Variants in MTUS2 observed in about 807,000 individuals in gnomAD.
The protein encoded by MTUS2 is microtubule-associated tumor suppressor candidate 2.
MTUS2 carries 40 observed loss-of-function variants against 114.1 expected under a neutral mutation model. The observed-to-expected ratio is 0.35, with a 90% CI of 0.27 to 0.46. The LOEUF (loss-of-function observed/expected upper bound fraction) is 0.46, where lower values mean the gene tolerates loss of function less well. Ranked by LOEUF, MTUS2 falls within the 20% of genes least tolerant of loss-of-function variation. The pLI, the probability that MTUS2 is intolerant of heterozygous loss-of-function variation, is 1.00. For synonymous variants in MTUS2, 688 were observed against 672.0 expected (o/e 1.02, Z -0.37); for missense variants, 1,679 against 1,705.4 (o/e 0.98, Z 0.27).
intron 5 of MTUS2, among the ~76,000 whole-genome samples, chr13:29,268,114 A>G (rs965560409): frequency 6.6e-6 from 1 of 152,124 alleles, no homozygotes; most frequent in Non-Finnish European, 1.5e-5. Context: ...CGTCATCTAC[A>G]TTAGGTATTT....
At chr13:29,015,809 A>C (rs938862585) in intron 2 of MTUS2, among the ~76,000 whole-genome samples, 2 of 152,184 alleles carry the variant, frequency 1.3e-5, no homozygotes, top group African/African-American at 4.8e-5. Context: ...CAAAGTGAAA[A>C]ATTGGGGTTA....
rs7330883 is a variant in MTUS2 at position 29,321,434 on chromosome 13, A to G, written c.2807-3179A>G. On this transcript the variant is annotated intron_variant, in intron 6 of 15. Coordinates refer to ENST00000612955, the MANE Select transcript of MTUS2 (RefSeq NM_001033602.4). ...GAGTCTAGATTGTAAAAAAAATGGC[A>G]AGAAGAACAGAAGGTCTTGATTCAT... Among the ~76,000 whole-genome samples the G allele has an allele frequency of 5.1e-3, 771 of 152,320 alleles. 7 individuals carry two copies. The highest frequency in any genetic ancestry group is 0.017 in the African/African-American group (723 of 41,572).
At chr13:28,967,389 A>G (rs1009117824) in intron 2 of MTUS2, among the ~76,000 whole-genome samples, 11 of 152,110 alleles carry the variant, frequency 7.2e-5, no homozygotes, top group African/African-American at 2.7e-4. Context: ...AATTTACTGC[A>G]TATTGGACTT....
At chr13:29,130,841 G>T (rs1200852452) in intron 5 of MTUS2, among the ~76,000 whole-genome samples, 1 of 152,112 alleles carries the variant, frequency 6.6e-6, no homozygotes, top group Non-Finnish European at 1.5e-5. Flanking sequence ...GGCCAGGATG[G>T]TCTCAATCTT....
intron 9 of MTUS2, among the ~76,000 whole-genome samples, chr13:29,448,915 G>A (rs4644721): frequency 0.29 from 43,586 of 151,522 alleles, 7,594 homozygotes; most frequent in Admixed American, 0.42. Flanking sequence ...CACCACGCCC[G>A]GCTAGTTTTT....
intron 5 of MTUS2, among the ~76,000 whole-genome samples, chr13:29,143,920 G>C (rs910500099): frequency 1.3e-5 from 2 of 152,234 alleles, no homozygotes; most frequent in Non-Finnish European, 2.9e-5. Flanking sequence ...GAAAAGCAAT[G>C]TGTCATGGTG....
chr13:29,369,351 A>G (rs1488809477), intron 8 of MTUS2, among the ~76,000 whole-genome samples: 1 of 152,164 alleles, frequency 6.6e-6, no homozygotes, highest in Admixed American at 6.5e-5. Flanking sequence ...GTGCCCGGAG[A>G]AAAGAACTCA....
chr13:28,975,833 A>G (rs1593348902), intron 2 of MTUS2, among the ~76,000 whole-genome samples: 1 of 152,292 alleles, frequency 6.6e-6, no homozygotes, highest in East Asian at 1.9e-4. Flanking sequence ...ATTTCAGTGA[A>G]CATTTATGAC....
chr13:29,331,910 G>A (rs377028254), intron 7 of MTUS2, among the ~76,000 whole-genome samples: 17 of 152,268 alleles, frequency 1.1e-4, no homozygotes, highest in African/African-American at 3.4e-4. Context: ...GGATAAAGCC[G>A]AGTTGATCAT....
intron 8 of MTUS2, among the ~76,000 whole-genome samples, chr13:29,379,090 T>C (rs984222924): frequency 6.6e-6 from 1 of 152,226 alleles, no homozygotes; most frequent in Non-Finnish European, 1.5e-5. Context: ...TCCACCATCA[T>C]TGTAAGTTTC....
chr13:28,985,865 A>G (rs1002016444), intron 2 of MTUS2, among the ~76,000 whole-genome samples: 5 of 152,202 alleles, frequency 3.3e-5, no homozygotes, highest in African/African-American at 4.8e-5. Context: ...AAGTCTGCCT[A>G]CAGACAGCCT....
chr13:29,076,462 T>C (rs1889196785), intron 4 of MTUS2, among the ~76,000 whole-genome samples: 2 of 152,208 alleles, frequency 1.3e-5, no homozygotes, highest in East Asian at 1.9e-4. Context: ...GATCCAGTCT[T>C]GGAGCCTCTC....
In MTUS2 at chr13:29,420,381, G is replaced by A. The variant is rs576808176; in HGVS notation, c.3118-19602G>A. Reference sequence around the variant, plus strand: ...CAACCTCTGCCTCTTCAGTTCAAGCGATTCTCCTGCCTCAGCCTCCCAAGT... The same window carrying A: ...CAACCTCTGCCTCTTCAGTTCAAGCAATTCTCCTGCCTCAGCCTCCCAAGT... On this transcript the variant is annotated intron_variant, in intron 8 of 15. Coordinates refer to ENST00000612955, the MANE Select transcript of MTUS2 (RefSeq NM_001033602.4). Among the ~76,000 whole-genome samples the A allele has an allele frequency of 4.0e-5, 6 of 151,254 alleles. 1 individual carries two copies. Among genetic ancestry groups the A allele is most frequent in the South Asian group, 4.2e-4 (2 of 4,786 alleles).
At chr13:29,440,505 A>G (rs902600718) in intron 9 of MTUS2, among the ~76,000 whole-genome samples, 4 of 152,186 alleles carry the variant, frequency 2.6e-5, no homozygotes, top group Non-Finnish European at 5.9e-5. Context: ...AATTTCTAAT[A>G]TTTGGCTGAT....
chr13:29,471,948 G>A (rs534085333), intron 9 of MTUS2, among the ~76,000 whole-genome samples: 14 of 152,278 alleles, frequency 9.2e-5, no homozygotes, highest in East Asian at 7.7e-4. Context: ...CACCAGGCCC[G>A]AGAGATGCTG....
At chr13:29,232,325 C>CAT (rs1566081061) in intron 5 of MTUS2, among the ~76,000 whole-genome samples, 6,354 of 151,612 alleles carry the variant, frequency 0.042, 468 homozygotes, top group African/African-American at 0.14. Context: ...CACACACACG[C>CAT]ACACATACAC....
chr13:29,463,527 A>C (rs1013571323), intron 9 of MTUS2, among the ~76,000 whole-genome samples: 2 of 152,198 alleles, frequency 1.3e-5, no homozygotes, highest in Admixed American at 1.3e-4. Flanking sequence ...GTAGGCTCCA[A>C]GGGCACACGC....
rs138427196 is a variant in MTUS2, at chr13:29,466,875, T to C, written c.3185-13275T>C. On this transcript the variant is annotated intron_variant, in intron 9 of 15. Transcript: ENST00000612955. ...CTCAGTGACAAAGTGAGACCTCATC[T>C]CAAAAAAAAAAAAAAAAAAAAGAAA... is the stretch of plus-strand genomic sequence containing the variant. Among the ~76,000 whole-genome samples the C allele has an allele frequency of 4.8e-3, 251 of 51,882 alleles. 3 individuals are homozygous for C. Among genetic ancestry groups the C allele is most frequent in the African/African-American group, 0.028 (240 of 8,444 alleles). The allele number at this position is 51,882 out of a possible 152,430, so 34.0% of individuals were successfully genotyped here. A position where few individuals can be genotyped will look rare whatever the true frequency, so the allele number is the denominator to read the frequency against.
intron 6 of MTUS2, among the ~76,000 whole-genome samples, chr13:29,298,441 T>C (rs1050924620): frequency 1.3e-5 from 2 of 152,226 alleles, no homozygotes; most frequent in Non-Finnish European, 1.5e-5. Context: ...TTTCTGGTCA[T>C]ACTGTAATTT....
Sources: allele counts gnomAD v4.1 joint callset (sites outside exome capture counted in the v4.1 genomes callset), GRCh38; gene constraint gnomAD v4.1.1; transcripts MANE v1.5; gene names NCBI Gene and HGNC (gene_info 2026-07-23, HGNC 2026-07-21).